Variants in LRIG3 observed in about 807,000 individuals in gnomAD.
LRIG3 encodes leucine rich repeats and immunoglobulin like domains 3.
Under a neutral mutation model 114.5 loss-of-function variants are expected in LRIG3, and 76 were observed. The observed-to-expected ratio is 0.66, with a 90% CI of 0.55 to 0.80. The LOEUF is 0.80. LRIG3 is among the 30% of genes least tolerant of loss of function. The pLI is 0.00. For synonymous variants in LRIG3, 512 were observed against 519.8 expected (o/e 0.98, Z 0.20); for missense variants, 1,239 against 1,382.8 (o/e 0.90, Z 1.65).
In LRIG3 at chr12:58,917,865, TTTTTCTAATTAC is replaced by T. The variant is rs1872537594; in HGVS notation, c.236+2123_236+2134del. Among the ~76,000 whole-genome samples, 4 of 152,358 alleles carry T rather than the reference TTTTTCTAATTAC, an allele frequency of 2.6e-5. No individual in the cohort carries two copies. In the South Asian group the frequency reaches 8.3e-4, roughly 32 times the overall value. On this transcript the variant is annotated intron_variant, in intron 1 of 18. Coordinates refer to ENST00000320743, the MANE Select transcript of LRIG3 (RefSeq NM_153377.5). Reference sequence around the variant, plus strand: ...CTCGGAAATCATCTCCTTAAGACGATTTTTCTAATTACGAAAAACTTTAGTAGCTTTTTAGAC... The same window carrying T: ...CTCGGAAATCATCTCCTTAAGACGATGAAAAACTTTAGTAGCTTTTTAGAC...
At chr12:58,897,672 T>C (rs1318403482) in intron 3 of LRIG3, among the ~76,000 whole-genome samples, 3 of 152,174 alleles carry the variant, frequency 2.0e-5, no homozygotes, top group African/African-American at 4.8e-5. Flanking sequence ...GATCTCCAAG[T>C]ATAAATTCAA....
chr12:58,916,697 G>C (rs543845296), intron 1 of LRIG3, among the ~76,000 whole-genome samples: 1 of 152,182 alleles, frequency 6.6e-6, no homozygotes, highest in African/African-American at 2.4e-5. Flanking sequence ...TTAATGAATG[G>C]GAAAGGTAGT....
chr12:58,910,731 T>C (rs74099580), intron 3 of LRIG3, among the ~76,000 whole-genome samples: 1,662 of 152,320 alleles, frequency 0.011, 30 homozygotes, highest in African/African-American at 0.037. Context: ...TAACACTATA[T>C]AAACCATTAG....
At chr12:58,890,586 A>T (rs1664945537) in intron 4 of LRIG3, 79 bp downstream of exon 4, 1 of 1,383,092 alleles carries the variant, frequency 7.2e-7, no homozygotes, top group Non-Finnish European at 9.7e-7. Context: ...TAAAGTAGAC[A>T]AAGTTTGTTA....
chr12:58,897,276 G>C (rs1166792947), intron 3 of LRIG3, among the ~76,000 whole-genome samples: 4 of 152,212 alleles, frequency 2.6e-5, no homozygotes, highest in Admixed American at 1.3e-4. Flanking sequence ...ACGAGTGTTG[G>C]TGTAAGAAGC....
At chr12:58,903,327 A>G (rs1304055783) in intron 3 of LRIG3, among the ~76,000 whole-genome samples, 1 of 152,154 alleles carries the variant, frequency 6.6e-6, no homozygotes, top group Non-Finnish European at 1.5e-5. Flanking sequence ...GCCAGTGATG[A>G]TGAGCATTTT....
chr12:58,904,900 G>C (rs1447559640), intron 3 of LRIG3, among the ~76,000 whole-genome samples: 1 of 152,052 alleles, frequency 6.6e-6, no homozygotes, highest in Non-Finnish European at 1.5e-5. Flanking sequence ...AAATAGATGA[G>C]TAAAAAATAC....
At chr12:58,887,431 T>C (rs1158056134) in intron 8 of LRIG3, among the ~76,000 whole-genome samples, 1 of 152,196 alleles carries the variant, frequency 6.6e-6, no homozygotes, top group Non-Finnish European at 1.5e-5. Flanking sequence ...ATAAACAGTA[T>C]CTTCCTTGCC....
rs1870847527 is a variant in LRIG3 at position 58,874,479 on chromosome 12, A to C, written c.2790T>G (p.Tyr930Ter). 1 of 1,614,064 alleles carries C rather than the reference A, an allele frequency of 6.2e-7. No individual in the cohort carries two copies. Among genetic ancestry groups the C allele is most frequent in the African/African-American group, 1.3e-5 (1 of 74,924 alleles). The change falls in exon 17 of 19, where the codon TAT becomes TAG. Residue 930 changes from tyrosine to a stop codon, truncating the protein, a stop_gained. Transcript: ENST00000320743. LOFTEE classifies it high-confidence loss of function. ...CTGAGCCATACACATTTCCCTTCAA[A>C]TACATAGGGCCTGTGGATCCCAAAA... is the stretch of plus-strand genomic sequence containing the variant. Reference protein sequence around the residue: ...CPFLGSTGPMYLKGNVYGSDP... With the variant: ...CPFLGSTGPM
At chr12:58,917,481 A>G (rs1037077608) in intron 1 of LRIG3, among the ~76,000 whole-genome samples, 23 of 152,184 alleles carry the variant, frequency 1.5e-4, no homozygotes, top group Non-Finnish European at 3.1e-4. Flanking sequence ...TTTTTAGACA[A>G]AGTCTCGCTC....
At position 58,877,687 on chromosome 12, in the gene LRIG3, T is replaced by C; in HGVS notation, c.2249A>G (p.Gln750Arg). ...ATCTGAGTCCACAATAATCAGAAGC[T>C]GATTGCCTGCTGCAAAAAAGTGCCT... is the stretch of plus-strand genomic sequence containing the variant. ...TERHFFAAGN[Q>R]LLIIVDSDVS... Residue 750 changes from glutamine to arginine, a missense_variant, in exon 15 of 19, where the codon CAG (glutamine) becomes CGG (arginine). By Grantham distance (43) the Gln-to-Arg change is conservative (BLOSUM62 1). Coordinates refer to ENST00000320743, the MANE Select transcript of LRIG3 (RefSeq NM_153377.5). 1 of 1,614,192 alleles carries C rather than the reference T, an allele frequency of 6.2e-7. No homozygotes were observed. The highest frequency in any genetic ancestry group is 8.5e-7 in the Non-Finnish European group (1 of 1,180,028).
intron 3 of LRIG3, 102 bp downstream of exon 3, chr12:58,913,879 AT>A (rs1470303910): frequency 3.6e-5 from 37 of 1,017,758 alleles, no homozygotes; most frequent in South Asian, 2.5e-4. Context: ...CCTGAAAAAA[AT>A]ATTCCATTTT....
At chr12:58,897,738 T>C (rs1871693468) in intron 3 of LRIG3, among the ~76,000 whole-genome samples, 1 of 152,242 alleles carries the variant, frequency 6.6e-6, no homozygotes, top group South Asian at 2.1e-4. Context: ...GACAACAGGA[T>C]AAAGAAAACA....
intron 3 of LRIG3, among the ~76,000 whole-genome samples, chr12:58,907,186 C>G (rs1361611149): frequency 2.0e-5 from 3 of 152,192 alleles, no homozygotes; most frequent in Non-Finnish European, 4.4e-5. Flanking sequence ...TGTCTTCTCT[C>G]TTGTTCAGAG....
intron 3 of LRIG3, among the ~76,000 whole-genome samples, chr12:58,892,039 A>G (rs1458201799): frequency 6.6e-6 from 1 of 151,776 alleles, no homozygotes; most frequent in Non-Finnish European, 1.5e-5. Flanking sequence ...AAAGAAACAA[A>G]CAGAAAAAAA....
chr12:58,879,225 G>T, intron 13 of LRIG3, 120 bp from the exon 14 acceptor site: 1 of 1,182,872 alleles, frequency 8.5e-7, no homozygotes, highest in Non-Finnish European at 1.2e-6. Context: ...CATAGATTGG[G>T]CAGGGGTTAA....
intron 15 of LRIG3, among the ~76,000 whole-genome samples, chr12:58,876,969 T>C (rs972845852): frequency 1.4e-4 from 22 of 152,228 alleles, no homozygotes; most frequent in Non-Finnish European, 2.8e-4. Flanking sequence ...TACTAATCAA[T>C]ATCTGACTTT....
In LRIG3 at chr12:58,877,560, G is replaced by A. The variant is rs1262440984; in HGVS notation, c.2376C>T (p.Ser792=). ...LSVIPTPTCD[S]PQMTAPSLDD... Reference sequence around the variant, plus strand: ...CTAACGATGGGGCTGTCATCTGAGGGGAGTCGCAGGTTGGAGTGGGGATCA... The same window carrying A: ...CTAACGATGGGGCTGTCATCTGAGGAGAGTCGCAGGTTGGAGTGGGGATCA... Residue 792 remains serine (S), a synonymous_variant, in exon 15 of 19, where the codon TCC becomes TCT. Coordinates refer to ENST00000320743, the MANE Select transcript of LRIG3 (RefSeq NM_153377.5). 6.2e-7 allele frequency: 1 copy of A among 1,614,202 alleles called. No individual in the cohort carries two copies. Among genetic ancestry groups the A allele is most frequent in the Non-Finnish European group, 8.5e-7 (1 of 1,180,046 alleles).
At chr12:58,909,536 CTTGG>C (rs1872192942) in intron 3 of LRIG3, among the ~76,000 whole-genome samples, 1 of 152,128 alleles carries the variant, frequency 6.6e-6, no homozygotes, top group Non-Finnish European at 1.5e-5. Context: ...TAAAAGAGGG[CTTGG>C]TACATAGTAG....
Sources: gnomAD v4.1 joint callset for allele counts (sites outside exome capture counted in the v4.1 genomes callset) on GRCh38, gnomAD v4.1.1 for gene constraint, MANE v1.5 for transcripts, NCBI Gene and HGNC (gene_info 2026-07-23, HGNC 2026-07-21) for gene names.